Variants in DOCK4 observed in about 807,000 individuals in gnomAD.
The protein encoded by DOCK4 is dedicator of cytokinesis protein 4.
A neutral mutation model predicts 268.1 loss-of-function variants in DOCK4; 97 were observed. That is an observed-to-expected ratio of 0.36 (90% confidence interval 0.31 to 0.43). The LOEUF is 0.43. DOCK4 is among the 20% of genes least tolerant of loss of function. DOCK4 has a pLI of 1.00. For synonymous variants in DOCK4, 954 were observed against 887.2 expected (o/e 1.08, Z -1.34); for missense variants, 2,145 against 2,455.7 (o/e 0.87, Z 2.67).
At chr7:111,792,128 C>T (rs140361726) in intron 30 of DOCK4, among the ~76,000 whole-genome samples, 1,723 of 152,256 alleles carry the variant, frequency 0.011, 36 homozygotes, top group African/African-American at 0.039. Context: ...AAGTCTATTA[C>T]GCTAATCATC....
intron 1 of DOCK4, among the ~76,000 whole-genome samples, chr7:112,134,515 C>A (rs754011795): frequency 2.1e-4 from 32 of 152,146 alleles, no homozygotes; most frequent in Middle Eastern, 6.8e-3. Flanking sequence ...GTCAGGAGAT[C>A]GAGACCATGC....
chr7:112,001,757 T>A (rs1800443105), intron 2 of DOCK4, among the ~76,000 whole-genome samples: 1 of 152,198 alleles, frequency 6.6e-6, no homozygotes, highest in Non-Finnish European at 1.5e-5. Context: ...TGAATTAAAC[T>A]TTATCACATG....
intron 1 of DOCK4, among the ~76,000 whole-genome samples, chr7:112,163,283 C>A (rs1401291748): frequency 1.3e-5 from 2 of 152,056 alleles, no homozygotes; most frequent in Non-Finnish European, 2.9e-5. Context: ...TCCCTCCCCT[C>A]CCCATTTTCT....
At chr7:111,853,128 G>A (rs946245043) in intron 23 of DOCK4, among the ~76,000 whole-genome samples, 3 of 152,312 alleles carry the variant, frequency 2.0e-5, no homozygotes. Context: ...GACTAGGAAG[G>A]AACAAGGGAA....
At chr7:111,894,707 G>A (rs1172656211) in intron 16 of DOCK4, among the ~76,000 whole-genome samples, 4 of 152,202 alleles carry the variant, frequency 2.6e-5, no homozygotes, top group African/African-American at 9.6e-5. Flanking sequence ...TGCTGGATGT[G>A]GTTGTAGCAT....
At chr7:111,799,188 A>G (rs1271848726) in intron 30 of DOCK4, among the ~76,000 whole-genome samples, 1 of 152,226 alleles carries the variant, frequency 6.6e-6, no homozygotes, top group Non-Finnish European at 1.5e-5. Flanking sequence ...CAGAATTGCT[A>G]TGGTCAAATA....
intron 42 of DOCK4, among the ~76,000 whole-genome samples, chr7:111,751,183 G>C (rs928916699): frequency 1.3e-5 from 2 of 152,132 alleles, no homozygotes; most frequent in African/African-American, 4.8e-5. Context: ...ATTTTATCAA[G>C]TCTCTAGTTC....
chr7:111,762,505 T>C (rs1797471776), intron 39 of DOCK4, among the ~76,000 whole-genome samples: 1 of 152,128 alleles, frequency 6.6e-6, no homozygotes, highest in African/African-American at 2.4e-5. Flanking sequence ...AGTTCATCCA[T>C]TTTGTAGCAC....
chr7:111,956,992 A>G (rs1796498505), intron 8 of DOCK4, among the ~76,000 whole-genome samples: 1 of 152,224 alleles, frequency 6.6e-6, no homozygotes, highest in Non-Finnish European at 1.5e-5. Flanking sequence ...CTAAAGCATC[A>G]TTAAATACTA....
intron 52 of DOCK4, among the ~76,000 whole-genome samples, chr7:111,729,222 C>T (rs768560050): frequency 2.0e-5 from 3 of 152,160 alleles, no homozygotes; most frequent in Admixed American, 6.5e-5. Flanking sequence ...CACCAGTCCT[C>T]GAGTTCAGTT....
intron 14 of DOCK4, 142 bp from the exon 15 acceptor site, chr7:111,900,678 T>C (rs1791066081): frequency 2.4e-5 from 20 of 836,234 alleles, no homozygotes; most frequent in Non-Finnish European, 3.6e-5. Flanking sequence ...CGTGTGTTTC[T>C]GTACTTGCTG....
intron 1 of DOCK4, among the ~76,000 whole-genome samples, chr7:112,111,609 T>C (rs1344180311): frequency 6.6e-6 from 1 of 152,168 alleles, no homozygotes; most frequent in Non-Finnish European, 1.5e-5. Context: ...TGAGCTCTAA[T>C]TCAGAAAATG....
intron 8 of DOCK4, among the ~76,000 whole-genome samples, chr7:111,958,032 C>G (rs956565458): frequency 6.6e-6 from 1 of 152,170 alleles, no homozygotes; most frequent in Non-Finnish European, 1.5e-5. Context: ...ACTCTATAAA[C>G]ATTTTTGATG....
chr7:112,015,237 C>A (rs1380733614), intron 1 of DOCK4, among the ~76,000 whole-genome samples: 1 of 152,194 alleles, frequency 6.6e-6, no homozygotes, highest in African/African-American at 2.4e-5. Context: ...AAACACACTC[C>A]CACCAGCACC....
chr7:112,107,529 A>G (rs1169881833), intron 1 of DOCK4, among the ~76,000 whole-genome samples: 1 of 152,254 alleles, frequency 6.6e-6, no homozygotes, highest in Non-Finnish European at 1.5e-5. Flanking sequence ...CAGAACTATG[A>G]GAAAATAAAT....
chr7:112,192,008 G>A (rs910884965), intron 1 of DOCK4, among the ~76,000 whole-genome samples: 1 of 147,012 alleles, frequency 6.8e-6, no homozygotes, highest in Admixed American at 6.8e-5. Flanking sequence ...ATATTATATA[G>A]TATATAACTT....
At chr7:111,993,681 C>A (rs928111917) in intron 5 of DOCK4, among the ~76,000 whole-genome samples, 2 of 152,062 alleles carry the variant, frequency 1.3e-5, no homozygotes, top group Admixed American at 6.6e-5. Flanking sequence ...AACACAGATC[C>A]TTTTTCCCCT....
chr7:111,789,086 T>C (rs1346200184), intron 31 of DOCK4: 1 of 323,500 alleles, frequency 3.1e-6, no homozygotes, highest in Non-Finnish European at 5.9e-6. Context: ...TTTTTCTTTT[T>C]TTTAAACATC....
At position 112,140,603 on chromosome 7, in the gene DOCK4, A is replaced by C. The variant is rs1814812829; in HGVS notation, c.37+65499T>G. 1.4e-4 allele frequency among the ~76,000 whole-genome samples: 10 copies of C among 73,338 alleles called. No homozygotes were observed. In the South Asian group the frequency reaches 4.1e-3, roughly 30 times the overall value. 48.1% of individuals were successfully genotyped at this position (73,338 alleles called of 152,430 possible). A position where few individuals can be genotyped will look rare whatever the true frequency, so the allele number is the denominator to read the frequency against. ...TTATTCAGATCTCCTGCTCCCCGAC[A>C]AAAAAAAAAAAAAGTTAAAAAAATA... On this transcript the variant is annotated intron_variant, in intron 1 of 52. Coordinates refer to ENST00000428084, the MANE Select transcript of DOCK4 (RefSeq NM_001363540.2).
Sources: gnomAD v4.1 joint callset for allele counts (sites outside exome capture counted in the v4.1 genomes callset) on GRCh38, gnomAD v4.1.1 for gene constraint, MANE v1.5 for transcripts, NCBI Gene and HGNC (gene_info 2026-07-23, HGNC 2026-07-21) for gene names.